Variants in RHOBTB3 observed in about 807,000 individuals in gnomAD.
The protein encoded by RHOBTB3 is rho-related BTB domain-containing protein 3.
A neutral mutation model predicts 67.2 loss-of-function variants in RHOBTB3; 47 were observed. The observed-to-expected ratio is 0.70, with a 90% CI of 0.55 to 0.89. RHOBTB3 has a LOEUF of 0.89. Among genes scored for constraint, RHOBTB3 ranks in the 40% least tolerant of loss-of-function variants. The pLI is 0.00. For synonymous variants in RHOBTB3, 273 were observed against 274.2 expected (o/e 1.00, Z 0.04); for missense variants, 631 against 750.0 (o/e 0.84, Z 1.85).
At chr5:95,723,605 T>C (rs999681504) in intron 1 of RHOBTB3, among the ~76,000 whole-genome samples, 4 of 152,364 alleles carry the variant, frequency 2.6e-5, no homozygotes, top group Non-Finnish European at 5.9e-5. Context: ...TGTGTAAATT[T>C]GCACACTTTA....
intron 8 of RHOBTB3, among the ~76,000 whole-genome samples, chr5:95,772,430 A>G (rs1745742655): frequency 6.6e-6 from 1 of 152,172 alleles, no homozygotes; most frequent in Non-Finnish European, 1.5e-5. Flanking sequence ...TAGGTACAGC[A>G]TACTCGATTA....
chr5:95,742,939 C>T lies in RHOBTB3; in HGVS notation c.416-5394C>T, dbSNP rs192169276. 9.5e-3 allele frequency among the ~76,000 whole-genome samples: 1,449 copies of T among 152,210 alleles called. 11 individuals carry two copies. Among genetic ancestry groups the T allele is most frequent in the Middle Eastern group, 0.02 (6 of 294 alleles). On this transcript the variant is annotated intron_variant, in intron 3 of 11. Coordinates refer to ENST00000379982, the MANE Select transcript of RHOBTB3 (RefSeq NM_014899.4). ...TACAAAAATTAGCCAGGCATGCTGGCGGGCGCCTGTAGTCCCAGCTACTCG... is the reference window on the plus strand; with the variant it reads ...TACAAAAATTAGCCAGGCATGCTGGTGGGCGCCTGTAGTCCCAGCTACTCG...
chr5:95,737,201 A>G (rs1014935239), intron 3 of RHOBTB3, 126 bp downstream of exon 3: 5 of 596,106 alleles, frequency 8.4e-6, no homozygotes, highest in Middle Eastern at 4.4e-4. Flanking sequence ...GTTCAATGCC[A>G]GCTGCTATCG....
chr5:95,738,003 A>G (rs749095542), intron 3 of RHOBTB3, among the ~76,000 whole-genome samples: 2 of 152,224 alleles, frequency 1.3e-5, no homozygotes, highest in Non-Finnish European at 2.9e-5. Flanking sequence ...GGTTAGGCTA[A>G]TTTCAGTTAG....
chr5:95,746,823 T>C (rs1211219209), intron 3 of RHOBTB3, among the ~76,000 whole-genome samples: 1 of 152,202 alleles, frequency 6.6e-6, no homozygotes, highest in East Asian at 1.9e-4. Flanking sequence ...AGCTCCAAAA[T>C]GCTTTCAGTG....
intron 10 of RHOBTB3, among the ~76,000 whole-genome samples, chr5:95,787,230 A>G (rs1746248378): frequency 6.6e-6 from 1 of 152,178 alleles, no homozygotes; most frequent in African/African-American, 2.4e-5. Flanking sequence ...TAATCACGTA[A>G]CAGTAGTGGT....
chr5:95,752,196 T>A (rs201860023), intron 4 of RHOBTB3, 43 bp from the exon 5 acceptor site: 3 of 1,173,746 alleles, frequency 2.6e-6, no homozygotes, highest in Non-Finnish European at 3.7e-6. Flanking sequence ...GTTGGATATA[T>A]AGTTTTGTTG....
chr5:95,763,435 A>G, intron 6 of RHOBTB3, 73 bp from the exon 7 acceptor site: 1 of 857,772 alleles, frequency 1.2e-6, no homozygotes, highest in Non-Finnish European at 1.9e-6. Flanking sequence ...GGAATGTTGT[A>G]TTTAATAAGA....
chr5:95,788,716 G>T (rs1172653813), intron 10 of RHOBTB3, 46 bp from the exon 11 acceptor site: 5 of 1,253,524 alleles, frequency 4.0e-6, no homozygotes, highest in Non-Finnish European at 5.7e-6. Context: ...TATCATACCA[G>T]TGGCCATTAT....
chr5:95,745,102 A>T lies in RHOBTB3; in HGVS notation c.416-3231A>T, dbSNP rs182420720. On this transcript the variant is annotated intron_variant, in intron 3 of 11. Transcript: ENST00000379982. ...TAAATAAATAAATACATAAAAATTT[A>T]AAAAAATTAAAAAAATGGAGATGGG... Among the ~76,000 whole-genome samples the T allele has an allele frequency of 2.8e-3, 428 of 152,144 alleles. 3 individuals carry two copies. Among genetic ancestry groups the T allele is most frequent in the African/African-American group, 9.7e-3 (402 of 41,520 alleles).
chr5:95,794,787 G>C lies in RHOBTB3; in HGVS notation c.*1613G>C, dbSNP rs993574974. The C allele has an allele frequency of 6.6e-6, 1 of 152,130 alleles. No individual in the cohort carries two copies. The highest frequency in any genetic ancestry group is 1.5e-5 in the Non-Finnish European group (1 of 68,024). The allele number at this position is 152,130 out of a possible 1,614,324, so 9.4% of individuals were successfully genotyped here. Reference sequence around the variant, plus strand: ...TTGGGACCCCATACCGTTAGCCCTTGTATGTATACCAACACTGCCAAAGTA... The same window carrying C: ...TTGGGACCCCATACCGTTAGCCCTTCTATGTATACCAACACTGCCAAAGTA... On this transcript the variant is annotated 3_prime_UTR_variant, in exon 12 of 12. Transcript: ENST00000379982.
intron 6 of RHOBTB3, among the ~76,000 whole-genome samples, chr5:95,758,412 G>C (rs892036430): frequency 1.3e-5 from 2 of 152,188 alleles, no homozygotes; most frequent in African/African-American, 4.8e-5. Flanking sequence ...GCTTTCCAGG[G>C]ATCACAGGCC....
Position 95,763,567 on chromosome 5 carries a change from G to T in RHOBTB3, c.1108G>T (p.Asp370Tyr). Residue 370 changes from aspartate to tyrosine, a missense_variant, in exon 7 of 12, where the codon GAT (aspartate) becomes TAT (tyrosine). Physicochemically the swap from Asp to Tyr is radical, Grantham distance 160. Coordinates refer to ENST00000379982, the MANE Select transcript of RHOBTB3 (RefSeq NM_014899.4). The part of the protein sequence containing the change: ...DIRKKLKDSG[D>Y]VSNVIEKVKC... ...CAGGAAGAAGTTGAAAGATTCTGGG[G>T]ATGTTTCAAATGTAATCGAGAAAGT... 1.9e-6 allele frequency: 3 copies of T among 1,612,942 alleles called. No homozygotes were observed. Among genetic ancestry groups the T allele is most frequent in the Non-Finnish European group, 2.5e-6 (3 of 1,179,306 alleles).
Position 95,794,131 on chromosome 5 carries a change from T to G in RHOBTB3, c.*957T>G. 2 of 427,496 alleles carry G rather than the reference T, an allele frequency of 4.7e-6. No individual in the cohort carries two copies. Among genetic ancestry groups the G allele is most frequent in the Non-Finnish European group, 9.2e-6 (2 of 217,202 alleles). 26.5% of individuals were successfully genotyped at this position (427,496 alleles called of 1,614,324 possible). On this transcript the variant is annotated 3_prime_UTR_variant, in exon 12 of 12. Transcript: ENST00000379982. ...ACCACCCAGGGCCTCCACTGCCACCTTGGCTGGCAAGGGAGAAATGTGTTG... is the reference window on the plus strand; with the variant it reads ...ACCACCCAGGGCCTCCACTGCCACCGTGGCTGGCAAGGGAGAAATGTGTTG...
At chr5:95,721,662 A>G (rs1030101019) in intron 1 of RHOBTB3, among the ~76,000 whole-genome samples, 1 of 151,770 alleles carries the variant, frequency 6.6e-6, no homozygotes, top group African/African-American at 2.4e-5. Context: ...AAGGAGCTCT[A>G]AAGAGGAATA....
chr5:95,775,141 A>G (rs1366705423), intron 8 of RHOBTB3, among the ~76,000 whole-genome samples: 1 of 152,102 alleles, frequency 6.6e-6, no homozygotes, highest in African/African-American at 2.4e-5. Context: ...CTGTGGCTCT[A>G]TTTAAAGTCA....
At chr5:95,752,804 A>G (rs909368780) in intron 5 of RHOBTB3, among the ~76,000 whole-genome samples, 2 of 152,100 alleles carry the variant, frequency 1.3e-5, no homozygotes, top group African/African-American at 4.8e-5. Flanking sequence ...TATTGTGATG[A>G]ATAGGAGAAT....
At chr5:95,782,806 T>A (rs1746092934) in intron 9 of RHOBTB3, 1 of 77,654 alleles carries the variant, frequency 1.3e-5, no homozygotes, top group African/African-American at 5.8e-5. Context: ...TGAGACTCCA[T>A]CTCAAAAAAA....
At chr5:95,752,892 G>A (rs1225385251) in intron 5 of RHOBTB3, among the ~76,000 whole-genome samples, 1 of 152,164 alleles carries the variant, frequency 6.6e-6, no homozygotes, top group African/African-American at 2.4e-5. Context: ...AGCACTTTGG[G>A]AGGCCGAGGT....
Sources: gnomAD v4.1 joint callset for allele counts (sites outside exome capture counted in the v4.1 genomes callset) on GRCh38, gnomAD v4.1.1 for gene constraint, MANE v1.5 for transcripts, NCBI Gene and HGNC (gene_info 2026-07-23, HGNC 2026-07-21) for gene names.